Variants in MAN1A2 observed in about 807,000 individuals in gnomAD.
The protein encoded by MAN1A2 is mannosyl-oligosaccharide 1,2-alpha-mannosidase IB.
A neutral mutation model predicts 75.7 loss-of-function variants in MAN1A2; 26 were observed. The observed-to-expected ratio is 0.34, with a 90% CI of 0.25 to 0.48. The LOEUF is 0.48. Ranked by LOEUF, MAN1A2 falls within the 20% of genes least tolerant of loss-of-function variation. The pLI is 0.99. For synonymous variants in MAN1A2, 247 were observed against 264.6 expected, an observed-to-expected ratio of 0.93 and a Z score of 0.65; for missense variants, 562 against 775.5, an observed-to-expected ratio of 0.72 and a Z score of 3.27.
chr1:117,493,105 C>CT, intron 8 of MAN1A2, 42 bp from the exon 9 acceptor site: 1 of 1,073,518 alleles, frequency 9.3e-7, no homozygotes, highest in South Asian at 1.3e-5. Context: ...CTTGTCTTCC[C>CT]TTGCCTTTAC....
In MAN1A2 at chr1:117,527,503, G is replaced by A. The variant is rs1652060353; in HGVS notation, c.*4546G>A. On this transcript the variant is annotated 3_prime_UTR_variant, in exon 13 of 13. Coordinates refer to ENST00000356554, the MANE Select transcript of MAN1A2 (RefSeq NM_006699.5). ...GTTGTGTGTATCTGTATAACCTAAA[G>A]CTATAATATTTTGTTGTCTTGAAAG... The A allele has an allele frequency of 1.3e-5, 2 of 151,952 alleles. No homozygotes were observed. The highest frequency in any genetic ancestry group is 4.8e-5 in the African/African-American group (2 of 41,394). 9.4% of individuals were successfully genotyped at this position (151,952 alleles called of 1,614,324 possible).
At chr1:117,491,538 C>T (rs769457799) in intron 8 of MAN1A2, among the ~76,000 whole-genome samples, 1 of 151,912 alleles carries the variant, frequency 6.6e-6, no homozygotes, top group Non-Finnish European at 1.5e-5. Context: ...GTGAAGATGC[C>T]CAAGGAGATT....
chr1:117,474,341 A>G (rs1650251516), intron 8 of MAN1A2, among the ~76,000 whole-genome samples: 1 of 151,946 alleles, frequency 6.6e-6, no homozygotes, highest in Non-Finnish European at 1.5e-5. Flanking sequence ...AAGTTACTAT[A>G]AACGTACAAT....
intron 4 of MAN1A2, among the ~76,000 whole-genome samples, chr1:117,415,474 A>G (rs1361780775): frequency 6.6e-6 from 1 of 152,092 alleles, no homozygotes; most frequent in Non-Finnish European, 1.5e-5. Context: ...ATTGTGATAT[A>G]AGTCCATAAT....
intron 6 of MAN1A2, among the ~76,000 whole-genome samples, chr1:117,449,558 CAAAAA>C (rs34612489): frequency 9.4e-6 from 1 of 106,706 alleles, no homozygotes; most frequent in Admixed American, 1.1e-4. Context: ...GACCCTGTCT[CAAAAA>C]AAAAAAAAAA....
chr1:117,374,073 A>G (rs183195275), intron 1 of MAN1A2, among the ~76,000 whole-genome samples: 49 of 152,086 alleles, frequency 3.2e-4, no homozygotes, highest in Admixed American at 1.0e-3. Flanking sequence ...AGGTGGGAGG[A>G]TTGATTGATT....
chr1:117,382,451 T>C (rs1653376288), intron 1 of MAN1A2, among the ~76,000 whole-genome samples: 1 of 152,240 alleles, frequency 6.6e-6, no homozygotes, highest in Admixed American at 6.5e-5. Flanking sequence ...CCTTTCCCCA[T>C]GTCTTGTTTT....
chr1:117,387,228 A>AC (rs953217469), intron 1 of MAN1A2, among the ~76,000 whole-genome samples: 11 of 151,646 alleles, frequency 7.3e-5, no homozygotes, highest in Admixed American at 2.6e-4. Context: ...AAAAAAAAAA[A>AC]AAAAAAACAA....
rs753700544 is a variant in MAN1A2, at chr1:117,368,145, T to A, written c.-39T>A. 3 of 1,542,394 alleles carry A rather than the reference T, an allele frequency of 1.9e-6. No homozygotes were observed. Among genetic ancestry groups the A allele is most frequent in the Non-Finnish European group, 2.6e-6 (3 of 1,148,762 alleles). ...AATGTATTCTACATTTGACATAAGATGAGAACTTTCTAAAGTATTCTCTCC... is the reference window on the plus strand; with the variant it reads ...AATGTATTCTACATTTGACATAAGAAGAGAACTTTCTAAAGTATTCTCTCC... On this transcript the variant is annotated 5_prime_UTR_variant, in exon 1 of 13. The change abolishes an upstream ATG in the 5' untranslated region. Coordinates refer to ENST00000356554, the MANE Select transcript of MAN1A2 (RefSeq NM_006699.5).
At chr1:117,387,307 G>T (rs561096513) in intron 1 of MAN1A2, among the ~76,000 whole-genome samples, 1 of 152,058 alleles carries the variant, frequency 6.6e-6, no homozygotes, top group Non-Finnish European at 1.5e-5. Context: ...AATGTAAAAT[G>T]GTGTAGCTGC....
intron 8 of MAN1A2, among the ~76,000 whole-genome samples, chr1:117,468,948 T>C (rs1218484876): frequency 6.6e-6 from 1 of 152,170 alleles, no homozygotes; most frequent in Non-Finnish European, 1.5e-5. Flanking sequence ...GATGTTAGCT[T>C]AAAAACATTT....
intron 1 of MAN1A2, among the ~76,000 whole-genome samples, chr1:117,376,577 C>G (rs924010783): frequency 6.6e-6 from 1 of 152,162 alleles, no homozygotes; most frequent in African/African-American, 2.4e-5. Flanking sequence ...CCTCAGACCT[C>G]AGTTACAGCC....
chr1:117,505,492 G>T (rs1194823224), intron 12 of MAN1A2, among the ~76,000 whole-genome samples: 1 of 150,536 alleles, frequency 6.6e-6, no homozygotes, highest in African/African-American at 2.4e-5. Context: ...TATATATATA[G>T]ATAGATATAT....
intron 4 of MAN1A2, among the ~76,000 whole-genome samples, chr1:117,420,091 G>A (rs564910945): frequency 1.3e-3 from 194 of 152,012 alleles, no homozygotes; most frequent in Non-Finnish European, 2.1e-3. Context: ...CCATCATTCT[G>A]CCATTTTTTT....
Position 117,422,238 on chromosome 1 carries a change from C to T in MAN1A2, c.855+1589C>T, listed in dbSNP as rs561731122. ...TTGCCAGCCCCTGATAATTACTGAT[C>T]TCTTTTCTGTCTCTACAGTTAAGAA... On this transcript the variant is annotated intron_variant, in intron 5 of 12. Transcript: ENST00000356554. Among the ~76,000 whole-genome samples, 434 of 152,130 alleles carry T rather than the reference C, an allele frequency of 2.9e-3. 3 individuals carry two copies. Among genetic ancestry groups the T allele is most frequent in the Middle Eastern group, 0.01 (3 of 294 alleles).
intron 6 of MAN1A2, among the ~76,000 whole-genome samples, chr1:117,444,771 T>C (rs1649157673): frequency 6.6e-6 from 1 of 152,082 alleles, no homozygotes; most frequent in East Asian, 1.9e-4. Flanking sequence ...TTCTCCTCTC[T>C]CTACTCTTCT....
chr1:117,410,480 A>G (rs1335812036), intron 3 of MAN1A2, among the ~76,000 whole-genome samples: 11 of 151,892 alleles, frequency 7.2e-5, no homozygotes, highest in Admixed American at 7.2e-4. Flanking sequence ...AAAAAATGCA[A>G]AATACCCCCC....
rs59022844 is a variant in MAN1A2 at position 117,526,880 on chromosome 1, C to CTATATATATATATATATATATATATA, written c.*3927_*3952dup. 7.3e-5 allele frequency: 4 copies of CTATATATATATATATATATATATATA among 54,518 alleles called. No homozygotes were observed. The highest frequency in any genetic ancestry group is 1.6e-4 in the African/African-American group (2 of 12,286). The allele number at this position is 54,518 out of a possible 1,614,324, so 3.4% of individuals were successfully genotyped here. A position where few individuals can be genotyped will look rare whatever the true frequency, so the allele number is the denominator to read the frequency against. The stretch of plus-strand genomic sequence containing the variant: ...TCTCTCTCTCTCTCTCTCTCTCTCT[C>CTATATATATATATATATATATATATA]TATATATATATATATATATATATAT... On this transcript the variant is annotated 3_prime_UTR_variant, in exon 13 of 13. Transcript: ENST00000356554.
rs191984667 is a variant in MAN1A2, at chr1:117,503,373, T to C, written c.1793+403T>C. ...CTGGACTCATACCTGAGCTCCCTAC[T>C]GTAGCTAATGAAATCTGTTAGGAAT... On this transcript the variant is annotated intron_variant, in intron 12 of 12. Coordinates refer to ENST00000356554, the MANE Select transcript of MAN1A2 (RefSeq NM_006699.5). 6.9e-4 allele frequency among the ~76,000 whole-genome samples: 104 copies of C among 151,658 alleles called. 1 individual carries two copies. The highest frequency in any genetic ancestry group is 1.3e-3 in the Non-Finnish European group (89 of 67,668).
Sources: allele counts gnomAD v4.1 joint callset (sites outside exome capture counted in the v4.1 genomes callset), GRCh38; gene constraint gnomAD v4.1.1; transcripts MANE v1.5; gene names NCBI Gene and HGNC (gene_info 2026-07-23, HGNC 2026-07-21).